STAB2: variants seen among roughly 807,000 people sequenced by gnomAD.
The protein encoded by STAB2 is stabilin 2.
In STAB2, 288 loss-of-function variants were observed where a neutral mutation model predicts 338.1. That is an observed-to-expected ratio of 0.85 (90% confidence interval 0.77 to 0.94). The LOEUF (loss-of-function observed/expected upper bound fraction) is 0.94. Among genes scored for constraint, STAB2 ranks in the 40% least tolerant of loss-of-function variants. The pLI, the probability that STAB2 is intolerant of heterozygous loss-of-function variation, is 0.00. For synonymous variants in STAB2, 1,202 were observed against 1,193.3 expected (o/e 1.01, Z -0.15); for missense variants, 3,141 against 3,210.1 (o/e 0.98, Z 0.52).
intron 9 of STAB2, among the ~76,000 whole-genome samples, chr12:103,643,893 GCCGCCC>G (rs1873109961): frequency 7.4e-6 from 1 of 135,240 alleles, no homozygotes; most frequent in Non-Finnish European, 1.6e-5. Context: ...CCTCTGCCCG[GCCGCCC>G]CTACTGGGAA....
At chr12:103,640,970 T>G (rs180774773) in intron 9 of STAB2, among the ~76,000 whole-genome samples, 245 of 152,324 alleles carry the variant, frequency 1.6e-3, no homozygotes, top group Admixed American at 4.1e-3. Flanking sequence ...CAGTGTAATG[T>G]GTTTTCATTA....
In STAB2 at chr12:103,755,717, C is replaced by T. The variant is rs746405534; in HGVS notation, c.6986C>T (p.Thr2329Met). 4.3e-5 allele frequency: 69 copies of T among 1,613,930 alleles called. No individual in the cohort carries two copies. The Middle Eastern group carries it at 4.9e-4, about 12-fold the overall frequency. Residue 2329 changes from threonine to methionine, a missense_variant and splice_region_variant, in exon 63 of 69, where the codon ACG (threonine) becomes ATG (methionine). Transcript: ENST00000388887. The stretch of plus-strand genomic sequence containing the variant: ...TTCCCCTCACTCACAAACTTCCTGA[C>T]GGTATGTACCATGTCTGCTTGGTTT... Reference protein sequence around the residue: ...MSFPSLTNFLTEVLAYSNSSA... With the variant: ...MSFPSLTNFLMEVLAYSNSSA...
intron 55 of STAB2, among the ~76,000 whole-genome samples, chr12:103,741,102 G>A (rs4015379): frequency 0.79 from 120,597 of 152,016 alleles, 48,105 homozygotes; most frequent in East Asian, 0.95. Context: ...AGACTTTGAT[G>A]TGACTCTCCC....
rs773260113 is a variant in STAB2, at chr12:103,666,330, T to C, written c.2062T>C (p.Cys688Arg). 3 of 1,614,208 alleles carry C rather than the reference T, an allele frequency of 1.9e-6. No homozygotes were observed. Among genetic ancestry groups the C allele is most frequent in the Middle Eastern group, 1.7e-4 (1 of 6,032 alleles). ...CTGTTCTCTGGTGTACTGGAGCAGATGTCCTGCTAACTCTGAGCCCACAGT... is the reference window on the plus strand; with the variant it reads ...CTGTTCTCTGGTGTACTGGAGCAGACGTCCTGCTAACTCTGAGCCCACAGT... ...VSCSLVYWSR[C>R]PANSEPTALF... The change falls in exon 19 of 69, where the codon TGT becomes CGT. Residue 688 changes from cysteine (C) to arginine (R), a missense_variant. Coordinates refer to ENST00000388887, the MANE Select transcript of STAB2 (RefSeq NM_017564.10).
chr12:103,596,072 A>G lies in STAB2; in HGVS notation c.331+1562A>G, dbSNP rs544032963. Among the ~76,000 whole-genome samples, 94 of 152,340 alleles carry G rather than the reference A, an allele frequency of 6.2e-4. 2 individuals carry two copies. In the South Asian group the frequency reaches 0.019, roughly 31 times the overall value. On this transcript the variant is annotated intron_variant, in intron 3 of 68. Coordinates refer to ENST00000388887, the MANE Select transcript of STAB2 (RefSeq NM_017564.10). ...TCTAAGAGTTTAGCAAATAAGAATC[A>G]GGTGTCTTTTAAAGCAATTAACTCT...
intron 66 of STAB2, 121 bp downstream of exon 66, chr12:103,761,531 C>G (rs1218423414): frequency 5.8e-6 from 5 of 855,974 alleles, no homozygotes; most frequent in Non-Finnish European, 7.2e-6. Flanking sequence ...GGAGGAGCCT[C>G]CAGCCTCCAA....
In STAB2 at chr12:103,708,029, A is replaced by G. The variant is rs1879521149; in HGVS notation, c.4193-412A>G. Among the ~76,000 whole-genome samples, 4 of 152,196 alleles carry G rather than the reference A, an allele frequency of 2.6e-5. No individual in the cohort carries two copies. The South Asian group carries it at 8.3e-4, about 32-fold the overall frequency. On this transcript the variant is annotated intron_variant, in intron 38 of 68. Coordinates refer to ENST00000388887, the MANE Select transcript of STAB2 (RefSeq NM_017564.10). ...GACTCATCTGTGTAATTGAGGAAGC[A>G]GTGCCACACCAGGCTTATACAAACC...
chr12:103,682,164 AAGATG>A (rs1281210238), intron 25 of STAB2, among the ~76,000 whole-genome samples: 1 of 151,978 alleles, frequency 6.6e-6, no homozygotes, highest in African/African-American at 2.4e-5. Flanking sequence ...GGAAGATGGG[AAGATG>A]GGAAAAGAGG....
rs750984173 is a variant in STAB2 at position 103,755,631 on chromosome 12, G to GGT, written c.6902_6903dup (p.Gly2302TrpfsTer18). ...CTCCAGATGTGAACTGCACCTGCAA[G>GGT]GTGGGCTATGTGGGAGATGGCTTCT... On this transcript the variant is annotated frameshift_variant, in exon 63 of 69. Coordinates refer to ENST00000388887, the MANE Select transcript of STAB2 (RefSeq NM_017564.10). LOFTEE classifies it high-confidence loss of function. 2 of 1,614,178 alleles carry GGT rather than the reference G, an allele frequency of 1.2e-6. No individual in the cohort carries two copies. Among genetic ancestry groups the GGT allele is most frequent in the Non-Finnish European group, 1.7e-6 (2 of 1,180,042 alleles).
intron 3 of STAB2, among the ~76,000 whole-genome samples, chr12:103,607,491 C>G (rs2138583863): frequency 1.4e-5 from 2 of 146,492 alleles, no homozygotes; most frequent in Admixed American, 1.4e-4. Context: ...CACCCATTAA[C>G]TCGTCATTTA....
intron 56 of STAB2, among the ~76,000 whole-genome samples, chr12:103,743,532 G>A (rs12422579): frequency 0.07 from 10,709 of 152,222 alleles, 540 homozygotes; most frequent in Admixed American, 0.11. Flanking sequence ...CCTAACAGAC[G>A]CAAGGGGACC....
intron 64 of STAB2, among the ~76,000 whole-genome samples, chr12:103,758,886 G>A (rs554691638): frequency 3.9e-4 from 59 of 152,170 alleles, no homozygotes; most frequent in Non-Finnish European, 6.6e-4. Context: ...CCTACCTCAA[G>A]ACACCGCTGG....
intron 52 of STAB2, among the ~76,000 whole-genome samples, chr12:103,736,395 C>A (rs1882126235): frequency 6.6e-6 from 1 of 152,216 alleles, no homozygotes; most frequent in African/African-American, 2.4e-5. Context: ...ATTCTGCATA[C>A]ATCTTATGAC....
intron 27 of STAB2, among the ~76,000 whole-genome samples, chr12:103,685,439 T>C (rs796068611): frequency 6.7e-6 from 1 of 148,998 alleles, no homozygotes; most frequent in Non-Finnish European, 1.5e-5. Context: ...TGTGTGTGTG[T>C]GTGTGTGTGT....
At chr12:103,748,335 G>A (rs1330654864) in intron 58 of STAB2, among the ~76,000 whole-genome samples, 2 of 152,138 alleles carry the variant, frequency 1.3e-5, no homozygotes, top group Non-Finnish European at 2.9e-5. Context: ...CTACTCCTGA[G>A]GCTGGAGCTA....
intron 27 of STAB2, among the ~76,000 whole-genome samples, chr12:103,686,233 C>T (rs1489229808): frequency 6.6e-6 from 1 of 152,184 alleles, no homozygotes; most frequent in Non-Finnish European, 1.5e-5. Flanking sequence ...CACTAAGAGT[C>T]TCGCCCTAAG....
intron 27 of STAB2, 143 bp from the exon 28 acceptor site, chr12:103,688,024 AG>A: frequency 1.4e-6 from 1 of 722,134 alleles, no homozygotes. Flanking sequence ...CATCAGCATC[AG>A]GGAGGCAGGC....
At chr12:103,661,325 C>G (rs1334240221) in intron 17 of STAB2, among the ~76,000 whole-genome samples, 1 of 152,070 alleles carries the variant, frequency 6.6e-6, no homozygotes, top group Non-Finnish European at 1.5e-5. Flanking sequence ...TCATCTAACT[C>G]CCTGGGGTTG....
intron 25 of STAB2, among the ~76,000 whole-genome samples, chr12:103,681,058 A>G (rs1350407223): frequency 1.3e-5 from 2 of 152,222 alleles, no homozygotes; most frequent in South Asian, 4.1e-4. Context: ...AAAGCCACAT[A>G]GGGTAAGTCC....
Sources: gnomAD v4.1 joint callset for allele counts (sites outside exome capture counted in the v4.1 genomes callset) on GRCh38, gnomAD v4.1.1 for gene constraint, MANE v1.5 for transcripts, NCBI Gene and HGNC (gene_info 2026-07-23, HGNC 2026-07-21) for gene names.